CNTN3: variants seen among roughly 807,000 people sequenced by gnomAD.
CNTN3 encodes the protein contactin-3.
CNTN3 carries 60 observed loss-of-function variants against 119.1 expected under a neutral mutation model. The observed-to-expected ratio is 0.50, with a 90% CI of 0.41 to 0.62. CNTN3 has a LOEUF of 0.62. Ranked by LOEUF, CNTN3 falls within the 20% of genes least tolerant of loss-of-function variation. CNTN3 has a pLI of 0.00. For synonymous variants in CNTN3, 450 were observed against 438.7 expected (o/e 1.03, Z -0.32); for missense variants, 1,101 against 1,242.4 (o/e 0.89, Z 1.71).
chr3:74,579,357 C>T (rs562495633), intron 1 of CNTN3, among the ~76,000 whole-genome samples: 2 of 151,138 alleles, frequency 1.3e-5, no homozygotes, highest in South Asian at 4.2e-4. Context: ...GCAGATCCCA[C>T]CCCCCTCAAA....
chr3:74,346,733 A>ACATCCATCCATCCATC (rs61572054), intron 11 of CNTN3, among the ~76,000 whole-genome samples: 3 of 144,400 alleles, frequency 2.1e-5, no homozygotes, highest in African/African-American at 7.8e-5. Flanking sequence ...ATCTCATTTG[A>ACATCCATCCATCCATC]CATCCATCCA....
chr3:74,602,324 A>G (rs1233515971), intron 1 of CNTN3, among the ~76,000 whole-genome samples: 1 of 146,178 alleles, frequency 6.8e-6, no homozygotes, highest in Non-Finnish European at 1.5e-5. Flanking sequence ...AAAAAAAAAG[A>G]ACAAACAAAA....
intron 5 of CNTN3, among the ~76,000 whole-genome samples, chr3:74,389,068 A>T (rs1231034212): frequency 6.6e-6 from 1 of 152,204 alleles, no homozygotes; most frequent in Non-Finnish European, 1.5e-5. Context: ...TGAGAGGAGA[A>T]ATTGAGGTGT....
chr3:74,336,641 T>C lies in CNTN3; in HGVS notation c.1382A>G (p.Asp461Gly). ...QEHERISLLN[D>G]GGLKIANVTK... ...CACATTGGCTATTTTGAGTCCTCCATCGTTTAACAAAGAAATTCTAAAGCA... is the reference window on the plus strand; with the variant it reads ...CACATTGGCTATTTTGAGTCCTCCACCGTTTAACAAAGAAATTCTAAAGCA... Residue 461 changes from aspartate (D) to glycine (G), a missense_variant, in exon 12 of 23, where the codon GAT (aspartate) becomes GGT (glycine). By Grantham distance (94) the Asp-to-Gly change is moderately conservative. Coordinates refer to ENST00000263665, the MANE Select transcript of CNTN3 (RefSeq NM_020872.3). 6.2e-7 allele frequency: 1 copy of C among 1,607,862 alleles called. No individual in the cohort carries two copies. Among genetic ancestry groups the C allele is most frequent in the Non-Finnish European group, 8.5e-7 (1 of 1,176,190 alleles).
At chr3:74,509,677 C>T (rs1559639165) in intron 2 of CNTN3, among the ~76,000 whole-genome samples, 1 of 152,054 alleles carries the variant, frequency 6.6e-6, no homozygotes, top group Non-Finnish European at 1.5e-5. Context: ...ATGAGTTAAA[C>T]CGGAATCTCT....
At chr3:74,503,906 T>C (rs926536518) in intron 2 of CNTN3, among the ~76,000 whole-genome samples, 2 of 151,906 alleles carry the variant, frequency 1.3e-5, no homozygotes, top group South Asian at 2.1e-4. Flanking sequence ...GTGTTATTTT[T>C]CCCCCCTAAC....
chr3:74,310,024 T>C (rs1482231046), intron 13 of CNTN3, among the ~76,000 whole-genome samples: 1 of 152,162 alleles, frequency 6.6e-6, no homozygotes, highest in Non-Finnish European at 1.5e-5. Flanking sequence ...TCAGTCATTC[T>C]AGGATTACTC....
intron 11 of CNTN3, among the ~76,000 whole-genome samples, chr3:74,354,883 C>T (rs938613344): frequency 1.3e-5 from 2 of 152,184 alleles, no homozygotes; most frequent in South Asian, 4.1e-4. Flanking sequence ...CTACTGATAA[C>T]TTGTATGTAC....
chr3:74,525,128 GC>G (rs1462659416), intron 1 of CNTN3, among the ~76,000 whole-genome samples: 2 of 151,612 alleles, frequency 1.3e-5, no homozygotes, highest in Admixed American at 1.3e-4. Flanking sequence ...TCTGTGTCTG[GC>G]TTAACAAGAT....
intron 19 of CNTN3, among the ~76,000 whole-genome samples, chr3:74,288,369 T>C (rs1054451966): frequency 1.3e-5 from 2 of 151,778 alleles, no homozygotes; most frequent in Non-Finnish European, 2.9e-5. Flanking sequence ...ATGTTGGCCA[T>C]CCTGGACTCG....
At chr3:74,607,174 T>C (rs1406760451) in intron 1 of CNTN3, among the ~76,000 whole-genome samples, 1 of 151,686 alleles carries the variant, frequency 6.6e-6, no homozygotes, top group African/African-American at 2.4e-5. Flanking sequence ...GGAGGTGCAG[T>C]CACACACAGC....
chr3:74,555,116 G>A (rs1420216463), intron 1 of CNTN3, among the ~76,000 whole-genome samples: 2 of 152,112 alleles, frequency 1.3e-5, no homozygotes, highest in Non-Finnish European at 2.9e-5. Flanking sequence ...AGAGTTTTTA[G>A]CAAGAAAGGC....
intron 1 of CNTN3, among the ~76,000 whole-genome samples, chr3:74,576,202 A>G (rs1704414653): frequency 6.6e-6 from 1 of 152,064 alleles, no homozygotes; most frequent in Non-Finnish European, 1.5e-5. Context: ...TTTTCCTGGG[A>G]GGTATTACAA....
chr3:74,519,973 A>AT (rs1703515351), intron 2 of CNTN3, among the ~76,000 whole-genome samples: 1 of 151,702 alleles, frequency 6.6e-6, no homozygotes, highest in African/African-American at 2.4e-5. Context: ...GAACTTTGAC[A>AT]TAAGAGCCTA....
At chr3:74,306,223 AAAAAAAAG>A (rs1252686385) in intron 13 of CNTN3, among the ~76,000 whole-genome samples, 18 of 151,418 alleles carry the variant, frequency 1.2e-4, no homozygotes, top group Admixed American at 1.1e-3. Context: ...CCAAAAAAAA[AAAAAAAAG>A]AAACTCGGTA....
chr3:74,510,994 G>A (rs932913166), intron 2 of CNTN3, among the ~76,000 whole-genome samples: 8 of 151,814 alleles, frequency 5.3e-5, no homozygotes, highest in Non-Finnish European at 8.8e-5. Context: ...CATATGATAC[G>A]TATATGACCT....
intron 1 of CNTN3, among the ~76,000 whole-genome samples, chr3:74,537,058 A>C (rs568937379): frequency 2.6e-5 from 4 of 152,164 alleles, no homozygotes; most frequent in African/African-American, 9.6e-5. Context: ...GTGTCCTGAG[A>C]CCAGGAGTTT....
chr3:74,376,941 C>A (rs1341278398), intron 5 of CNTN3, among the ~76,000 whole-genome samples: 6 of 140,690 alleles, frequency 4.3e-5, no homozygotes, highest in African/African-American at 5.2e-5. Context: ...TGAACAGAGA[C>A]AAAAAAAAAA....
At chr3:74,584,727 ATATG>A (rs1205825186) in intron 1 of CNTN3, among the ~76,000 whole-genome samples, 1 of 152,172 alleles carries the variant, frequency 6.6e-6, no homozygotes, top group Non-Finnish European at 1.5e-5. Context: ...GACGTGTTAT[ATATG>A]TATTATTGCA....
Sources: allele counts gnomAD v4.1 joint callset (sites outside exome capture counted in the v4.1 genomes callset), GRCh38; gene constraint gnomAD v4.1.1; transcripts MANE v1.5; gene names NCBI Gene and HGNC (gene_info 2026-07-23, HGNC 2026-07-21).